The following PMS1 variants were observed in gnomAD, a reference collection of about 807,000 sequenced individuals.
PMS1 encodes PMS1 homolog 1, mismatch repair system component.
PMS1 carries 79 observed loss-of-function variants against 93.1 expected under a neutral mutation model. The ratio of observed to expected loss-of-function variants is 0.85; its 90% CI spans 0.71 to 1.02. The LOEUF is 1.02. Among genes scored for constraint, PMS1 ranks in the 50% least tolerant of loss-of-function variants. PMS1 has a pLI of 0.00. For synonymous variants in PMS1, 335 were observed against 363.4 expected (o/e 0.92, Z 0.89); for missense variants, 1,064 against 1,085.3 (o/e 0.98, Z 0.28).
At chr2:189,822,526 A>G (rs1462563017) in intron 5 of PMS1, among the ~76,000 whole-genome samples, 3 of 152,140 alleles carry the variant, frequency 2.0e-5, no homozygotes, top group Admixed American at 1.3e-4. Context: ...TCTTTTGAGT[A>G]TATGAAGAAA....
chr2:189,855,860 C>T (rs1201797008), intron 9 of PMS1: 3 of 1,103,746 alleles, frequency 2.7e-6, no homozygotes, highest in Non-Finnish European at 3.5e-6. Flanking sequence ...ATATTATGTT[C>T]TGGTGATCTA....
In PMS1 at chr2:189,870,603, A is replaced by T. The variant is rs256560; in HGVS notation, c.2473+2674A>T. 9.8e-4 allele frequency among the ~76,000 whole-genome samples: 149 copies of T among 152,322 alleles called. 1 individual carries two copies. Among genetic ancestry groups the T allele is most frequent in the African/African-American group, 3.5e-3 (147 of 41,564 alleles). On this transcript the variant is annotated intron_variant, in intron 11 of 12. Transcript: ENST00000441310. ...TCAATTTCCTTATTCGTTGCCAAGTACCTTTTACCCATTTCCACTAGTAAT... is the reference window on the plus strand; with the variant it reads ...TCAATTTCCTTATTCGTTGCCAAGTTCCTTTTACCCATTTCCACTAGTAAT...
rs371987295 is a variant in PMS1, at chr2:189,814,297, A to G, written c.419-3720A>G. On this transcript the variant is annotated intron_variant, in intron 4 of 12. Coordinates refer to ENST00000441310, the MANE Select transcript of PMS1 (RefSeq NM_000534.5). ...AGCCAAGGAAATGCTCTATATAAAA[A>G]TAGAGGAAGACCCCCCCCCAAAAAA... Among the ~76,000 whole-genome samples, 4 of 152,046 alleles carry G rather than the reference A, an allele frequency of 2.6e-5. No homozygotes were observed. The South Asian group carries it at 6.2e-4, about 24-fold the overall frequency.
chr2:189,849,151 G>A (rs752132357), intron 6 of PMS1, among the ~76,000 whole-genome samples: 1 of 151,890 alleles, frequency 6.6e-6, no homozygotes, highest in Non-Finnish European at 1.5e-5. Flanking sequence ...ACTAATTATT[G>A]GTGGTGATCT....
At chr2:189,852,172 T>C (rs1224599619) in intron 6 of PMS1, among the ~76,000 whole-genome samples, 1 of 152,178 alleles carries the variant, frequency 6.6e-6, no homozygotes, top group Non-Finnish European at 1.5e-5. Context: ...AGAGTTTTTT[T>C]TTTTAACTCA....
chr2:189,798,667 G>A (rs1243930603), intron 3 of PMS1, among the ~76,000 whole-genome samples: 1 of 151,718 alleles, frequency 6.6e-6, no homozygotes, highest in Non-Finnish European at 1.5e-5. Flanking sequence ...GTTTGCATCA[G>A]GGAACCTCTG....
chr2:189,842,047 C>G (rs1412107940), intron 5 of PMS1, among the ~76,000 whole-genome samples: 1 of 150,914 alleles, frequency 6.6e-6, no homozygotes, highest in Admixed American at 6.6e-5. Context: ...CATTTCCCAG[C>G]CAGACTTTCT....
At chr2:189,845,284 A>G (rs2054160019) in intron 6 of PMS1, among the ~76,000 whole-genome samples, 1 of 152,200 alleles carries the variant, frequency 6.6e-6, no homozygotes, top group Non-Finnish European at 1.5e-5. Flanking sequence ...TAGTGGGATT[A>G]CATTTTACCT....
rs544146766 is a variant in PMS1 at position 189,817,969 on chromosome 2, T to C, written c.419-48T>C. The C allele has an allele frequency of 2.2e-5, 30 of 1,347,908 alleles. 2 individuals carry two copies. In the Admixed American group the frequency reaches 3.9e-4, roughly 17 times the overall value. 83.5% of individuals were successfully genotyped at this position (1,347,908 alleles called of 1,614,324 possible). The stretch of plus-strand genomic sequence containing the variant: ...AATTGTATACGGATTTGAAGATCTG[T>C]GACGTTCCTTCCAAATCTAAATGTG... On this transcript the variant is annotated intron_variant, in intron 4 of 12. Coordinates refer to ENST00000441310, the MANE Select transcript of PMS1 (RefSeq NM_000534.5).
At chr2:189,874,792 G>A (rs766916874) in intron 12 of PMS1, among the ~76,000 whole-genome samples, 1 of 152,004 alleles carries the variant, frequency 6.6e-6, no homozygotes, top group Non-Finnish European at 1.5e-5. Flanking sequence ...CTATTGTGCG[G>A]GTAGCTTAAC....
At chr2:189,858,650 CTTTAA>C (rs956929077) in intron 9 of PMS1, among the ~76,000 whole-genome samples, 3 of 152,048 alleles carry the variant, frequency 2.0e-5, no homozygotes, top group Non-Finnish European at 4.4e-5. Context: ...CAGGAAAAAT[CTTTAA>C]TTTGAATGTC....
rs2049293918 is a variant in PMS1, at chr2:189,795,712, A to G, written c.133-57A>G. The G allele has an allele frequency of 2.3e-5, 31 of 1,324,456 alleles. No homozygotes were observed. The South Asian group carries it at 3.6e-4, about 15-fold the overall frequency. The allele number at this position is 1,324,456 out of a possible 1,614,324, so 82.0% of individuals were successfully genotyped here. ...ATTCTTTCACTTGTGTTTCTTTCTA[A>G]GTGTGATAACAGTTTAATATTTTTA... On this transcript the variant is annotated intron_variant, in intron 2 of 12. Coordinates refer to ENST00000441310, the MANE Select transcript of PMS1 (RefSeq NM_000534.5).
chr2:189,870,123 G>C (rs536134349), intron 11 of PMS1, among the ~76,000 whole-genome samples: 106 of 152,236 alleles, frequency 7.0e-4, no homozygotes, highest in African/African-American at 2.6e-3. Context: ...AACAGAGCAA[G>C]TTAAAGATAT....
intron 11 of PMS1, among the ~76,000 whole-genome samples, chr2:189,868,886 C>T (rs2056898469): frequency 6.6e-6 from 1 of 152,174 alleles, no homozygotes; most frequent in Admixed American, 6.5e-5. Context: ...AATCCCAGCA[C>T]TGCCATTTAA....
chr2:189,795,103 T>C lies in PMS1; in HGVS notation c.133-666T>C, dbSNP rs117864597. On this transcript the variant is annotated intron_variant, in intron 2 of 12. Transcript: ENST00000441310. ...AGTGACAAAGTATCTAAAAAAAGTC[T>C]TGATTTTTTTTCAAATTAAAAACTT... Among the ~76,000 whole-genome samples, 19 of 152,284 alleles carry C rather than the reference T, an allele frequency of 1.2e-4. No individual in the cohort carries two copies. In the East Asian group the frequency reaches 3.5e-3, roughly 28 times the overall value.
rs774205801 is a variant in PMS1 at position 189,854,564 on chromosome 2, A to G, written c.1292A>G (p.Asn431Ser). The stretch of plus-strand genomic sequence containing the variant: ...AGTGAAATTTCTAACATTGATAAAA[A>G]CACTAAGAATGCATTTCAGGACATT... ...CSSEISNIDK[N>S]TKNAFQDISM... Residue 431 changes from asparagine (N) to serine (S), a missense_variant, in exon 9 of 13, where the codon AAC becomes AGC. Physicochemically the swap from Asn to Ser is conservative, Grantham distance 46 (BLOSUM62 1). Transcript: ENST00000441310. 2 of 1,613,608 alleles carry G rather than the reference A, an allele frequency of 1.2e-6. No individual in the cohort carries two copies. The highest frequency in any genetic ancestry group is 1.1e-5 in the South Asian group (1 of 91,072).
intron 6 of PMS1, among the ~76,000 whole-genome samples, chr2:189,846,375 G>C (rs1559292817): frequency 6.6e-6 from 1 of 152,068 alleles, no homozygotes; most frequent in South Asian, 2.1e-4. Flanking sequence ...AGCCGGGTAT[G>C]GTGGCAGGTG....
intron 1 of PMS1, among the ~76,000 whole-genome samples, chr2:189,787,934 A>G (rs142215845): frequency 8.3e-4 from 127 of 152,306 alleles, no homozygotes; most frequent in Middle Eastern, 3.4e-3. Context: ...AGAGATGCAG[A>G]CATCTTAAGA....
chr2:189,839,752 G>T (rs1259374787), intron 5 of PMS1, among the ~76,000 whole-genome samples: 1 of 152,110 alleles, frequency 6.6e-6, no homozygotes, highest in South Asian at 2.1e-4. Context: ...AGCTCCTTTA[G>T]AGCTGGGACC....
Sources: gnomAD v4.1 joint callset for allele counts (sites outside exome capture counted in the v4.1 genomes callset) on GRCh38, gnomAD v4.1.1 for gene constraint, MANE v1.5 for transcripts, NCBI Gene and HGNC (gene_info 2026-07-23, HGNC 2026-07-21) for gene names.